The following TXK variants were observed in gnomAD, a reference collection of about 807,000 sequenced individuals.
TXK encodes tyrosine-protein kinase TXK.
Under a neutral mutation model 81.0 loss-of-function variants are expected in TXK, and 60 were observed. That is an observed-to-expected ratio of 0.74 (90% CI 0.60 to 0.92). TXK has a LOEUF of 0.92. Among genes scored for constraint, TXK ranks in the 40% least tolerant of loss-of-function variants. The probability of loss-of-function intolerance (pLI) is 0.00; values close to 1 mark genes in which losing one functional copy is unlikely to be tolerated. For missense variants in TXK, 581 were observed against 638.3 expected (o/e 0.91, Z 0.97); for synonymous variants, 203 against 210.7 (o/e 0.96, Z 0.32).
Position 48,076,483 on chromosome 4 carries a change from A to G in TXK, c.1174-17T>C, listed in dbSNP as rs749384897. The G allele has an allele frequency of 6.2e-7, 1 of 1,603,644 alleles. No individual in the cohort carries two copies. Among genetic ancestry groups the G allele is most frequent in the South Asian group, 1.1e-5 (1 of 88,472 alleles). ...CCTTGCCGCCTATGGAAAGAAGAAA[A>G]GAATCCAAGTTTGAATACAAGCTTT... is the stretch of plus-strand genomic sequence containing the variant. On this transcript the variant is annotated splice_polypyrimidine_tract_variant and intron_variant, in intron 11 of 14. Coordinates refer to ENST00000264316, the MANE Select transcript of TXK (RefSeq NM_003328.3).
At chr4:48,120,173 GTA>G (rs1188768373) in intron 1 of TXK, among the ~76,000 whole-genome samples, 11 of 92,826 alleles carry the variant, frequency 1.2e-4, no homozygotes, top group African/African-American at 1.7e-4. Context: ...ATGTATATAC[GTA>G]TATGTGTATA....
intron 11 of TXK, among the ~76,000 whole-genome samples, chr4:48,078,910 TGAAA>T (rs1294719917): frequency 1.3e-5 from 2 of 152,002 alleles, no homozygotes; most frequent in African/African-American, 4.8e-5. Context: ...GATTATGGGT[TGAAA>T]GAGAGAAAGG....
chr4:48,111,826 C>T (rs1718641150), intron 4 of TXK, among the ~76,000 whole-genome samples: 1 of 152,226 alleles, frequency 6.6e-6, no homozygotes, highest in African/African-American at 2.4e-5. Flanking sequence ...CACAATGAAA[C>T]CTATCTGCAT....
rs549129353 is a variant in TXK, at chr4:48,110,669, T to C, written c.381-66A>G. 2.0e-5 allele frequency: 25 copies of C among 1,225,816 alleles called. No homozygotes were observed. In the African/African-American group the frequency reaches 3.4e-4, roughly 17 times the overall value. The allele number at this position is 1,225,816 out of a possible 1,614,324, so 75.9% of individuals were successfully genotyped here. A position where few individuals can be genotyped will look rare whatever the true frequency, so the allele number is the denominator to read the frequency against. ...GTTTGTGGCATTATCATGGCAACAA[T>C]CCTTTTAAAACCTCAAGGATGTAGG... On this transcript the variant is annotated intron_variant, in intron 4 of 14. Coordinates refer to ENST00000264316, the MANE Select transcript of TXK (RefSeq NM_003328.3).
intron 1 of TXK, among the ~76,000 whole-genome samples, chr4:48,122,197 T>C (rs1718979445): frequency 6.6e-6 from 1 of 152,132 alleles, no homozygotes. Flanking sequence ...TCACTCAGGG[T>C]TATAGCTACA....
chr4:48,107,784 C>T (rs1242622275), intron 5 of TXK, among the ~76,000 whole-genome samples: 1 of 151,598 alleles, frequency 6.6e-6, no homozygotes, highest in Non-Finnish European at 1.5e-5. Flanking sequence ...ATTTATGGGC[C>T]GGGCGCGGTG....
chr4:48,134,111 C>T, intron 1 of TXK, 44 bp downstream of exon 1: 1 of 1,610,828 alleles, frequency 6.2e-7, no homozygotes, highest in Non-Finnish European at 8.5e-7. Flanking sequence ...TAACAGGCCC[C>T]AGAACAAGCC....
chr4:48,071,712 G>A, intron 13 of TXK, 38 bp from the exon 14 acceptor site: 2 of 1,603,742 alleles, frequency 1.2e-6, no homozygotes. Context: ...GGGTTAGAGA[G>A]AAATGATTGC....
At chr4:48,072,098 G>A (rs1428731813) in intron 13 of TXK, among the ~76,000 whole-genome samples, 1 of 151,824 alleles carries the variant, frequency 6.6e-6, no homozygotes, top group African/African-American at 2.4e-5. Context: ...CTGTCTCCCG[G>A]GTTCAAGCAA....
chr4:48,094,918 A>G (rs1418191509), intron 7 of TXK, among the ~76,000 whole-genome samples: 1 of 152,136 alleles, frequency 6.6e-6, no homozygotes, highest in African/African-American at 2.4e-5. Flanking sequence ...ACTACAACTA[A>G]TCTCCCCCTC....
intron 5 of TXK, chr4:48,105,988 G>C (rs1015850915): frequency 2.0e-5 from 3 of 152,118 alleles, no homozygotes; most frequent in African/African-American, 7.2e-5. Context: ...TAGTCAGTAA[G>C]CAAATGTTGT....
intron 7 of TXK, 86 bp from the exon 8 acceptor site, chr4:48,094,290 C>T: frequency 6.8e-7 from 1 of 1,464,008 alleles, no homozygotes; most frequent in Non-Finnish European, 9.4e-7. Flanking sequence ...GACTCCAGTT[C>T]TAAAACTCAT....
chr4:48,128,194 A>C (rs1394200325), intron 1 of TXK, among the ~76,000 whole-genome samples: 1 of 152,218 alleles, frequency 6.6e-6, no homozygotes, highest in Non-Finnish European at 1.5e-5. Flanking sequence ...AGTGAAATGC[A>C]TTCCTACTGA....
chr4:48,103,095 G>C (rs186637654), intron 6 of TXK, among the ~76,000 whole-genome samples: 1 of 152,116 alleles, frequency 6.6e-6, no homozygotes, highest in Non-Finnish European at 1.5e-5. Flanking sequence ...GCCATATCTG[G>C]GTTGCGGGCC....
chr4:48,077,155 A>T (rs1470123292), intron 11 of TXK, among the ~76,000 whole-genome samples: 1 of 152,252 alleles, frequency 6.6e-6, no homozygotes, highest in Admixed American at 6.5e-5. Flanking sequence ...TCATATTAAA[A>T]TTATCACAAT....
At chr4:48,098,280 A>C (rs1718062671) in intron 6 of TXK, among the ~76,000 whole-genome samples, 1 of 152,224 alleles carries the variant, frequency 6.6e-6, no homozygotes, top group Non-Finnish European at 1.5e-5. Flanking sequence ...ATTCTAAATA[A>C]AATGTTAAGA....
chr4:48,124,866 G>A (rs1250984066), intron 1 of TXK, among the ~76,000 whole-genome samples: 2 of 152,138 alleles, frequency 1.3e-5, no homozygotes, highest in East Asian at 3.8e-4. Flanking sequence ...AAGAACATAT[G>A]GGGTTCAGCA....
chr4:48,085,032 C>T (rs1437405279), intron 10 of TXK, among the ~76,000 whole-genome samples: 2 of 152,198 alleles, frequency 1.3e-5, no homozygotes, highest in African/African-American at 2.4e-5. Context: ...ATAATGTCAT[C>T]TGGAGTTTTT....
At chr4:48,111,493 A>C (rs1249263474) in intron 4 of TXK, among the ~76,000 whole-genome samples, 1 of 152,202 alleles carries the variant, frequency 6.6e-6, no homozygotes, top group East Asian at 1.9e-4. Context: ...GAAATAAAAA[A>C]TTCAATTTTT....
Sources: allele counts gnomAD v4.1 joint callset (sites outside exome capture counted in the v4.1 genomes callset), GRCh38; gene constraint gnomAD v4.1.1; transcripts MANE v1.5; gene names NCBI Gene and HGNC (gene_info 2026-07-23, HGNC 2026-07-21).